SLC2A13: variants seen among roughly 807,000 people sequenced by gnomAD.
SLC2A13 encodes solute carrier family 2 member 13.
In SLC2A13, 32 loss-of-function variants were observed where a neutral mutation model predicts 64.4. That is an observed-to-expected ratio of 0.50 (90% CI 0.37 to 0.67). SLC2A13 has a LOEUF of 0.67. Ranked by LOEUF, SLC2A13 falls within the 30% of genes least tolerant of loss-of-function variation. SLC2A13 has a pLI of 0.00. For missense variants in SLC2A13, 743 were observed against 829.2 expected, an observed-to-expected ratio of 0.90 and a Z score of 1.28; for synonymous variants, 338 against 327.1, an observed-to-expected ratio of 1.03 and a Z score of -0.36.
intron 7 of SLC2A13, among the ~76,000 whole-genome samples, chr12:39,809,086 A>AG (rs148975774): frequency 0.01 from 1,597 of 152,240 alleles, 24 homozygotes; most frequent in African/African-American, 0.035. Context: ...TTTTGTGTTT[A>AG]GGGTGTAAGA....
At chr12:40,010,442 G>A (rs1326656844) in intron 3 of SLC2A13, among the ~76,000 whole-genome samples, 1 of 152,106 alleles carries the variant, frequency 6.6e-6, no homozygotes, top group East Asian at 1.9e-4. Context: ...ATGTAGGTAA[G>A]GCTTTTTTTT....
intron 1 of SLC2A13, among the ~76,000 whole-genome samples, chr12:40,104,031 T>C (rs557312001): frequency 1.3e-5 from 2 of 151,342 alleles, no homozygotes; most frequent in Admixed American, 6.6e-5. Flanking sequence ...GCATGTGGAG[T>C]TGAATATATG....
At chr12:39,828,798 C>A (rs1942764441) in intron 7 of SLC2A13, among the ~76,000 whole-genome samples, 1 of 151,716 alleles carries the variant, frequency 6.6e-6, no homozygotes, top group African/African-American at 2.4e-5. Flanking sequence ...AATCAATTAA[C>A]TCACTAACAA....
intron 5 of SLC2A13, among the ~76,000 whole-genome samples, chr12:39,866,486 A>ATT: frequency 6.8e-6 from 1 of 147,876 alleles, no homozygotes; most frequent in Middle Eastern, 3.5e-3. Flanking sequence ...TATTTGAAAG[A>ATT]TTTTTTTTTT....
At chr12:39,972,615 G>C (rs1946684385) in intron 3 of SLC2A13, among the ~76,000 whole-genome samples, 1 of 152,122 alleles carries the variant, frequency 6.6e-6, no homozygotes, top group Non-Finnish European at 1.5e-5. Flanking sequence ...CCCAACGTCA[G>C]TTACCCTATC....
intron 6 of SLC2A13, among the ~76,000 whole-genome samples, chr12:39,835,957 G>A (rs1217079474): frequency 6.6e-6 from 1 of 152,110 alleles, no homozygotes; most frequent in Non-Finnish European, 1.5e-5. Context: ...CGTGGTGAAA[G>A]CCACAAATAT....
At position 39,898,985 on chromosome 12, in the gene SLC2A13, G is replaced by A. The variant is rs61383091; in HGVS notation, c.1035-27024C>T. On this transcript the variant is annotated intron_variant, in intron 4 of 9. Coordinates refer to ENST00000280871, the MANE Select transcript of SLC2A13 (RefSeq NM_052885.4). Reference sequence around the variant, plus strand: ...TGCCTGGCTTTGGTATCAGGATGATGCTGGCCTCATAAAATGAGTTAGGGA... The same window carrying A: ...TGCCTGGCTTTGGTATCAGGATGATACTGGCCTCATAAAATGAGTTAGGGA... Among the ~76,000 whole-genome samples the A allele has an allele frequency of 6.2e-3, 950 of 152,248 alleles. 7 individuals carry two copies. The highest frequency in any genetic ancestry group is 0.022 in the African/African-American group (915 of 41,552).
intron 4 of SLC2A13, among the ~76,000 whole-genome samples, chr12:39,880,974 A>G (rs1334261594): frequency 6.6e-6 from 1 of 152,238 alleles, no homozygotes; most frequent in Non-Finnish European, 1.5e-5. Context: ...ATAGGCTCAC[A>G]TTTCCCATTT....
intron 3 of SLC2A13, among the ~76,000 whole-genome samples, chr12:40,003,865 C>T (rs192574643): frequency 1.6e-4 from 25 of 151,808 alleles, no homozygotes; most frequent in Admixed American, 9.8e-4. Flanking sequence ...TGGTGACGGG[C>T]GCCGGTAATC....
chr12:39,950,591 A>AT (rs1161099704), intron 4 of SLC2A13: 1 of 152,200 alleles, frequency 6.6e-6, no homozygotes, highest in Non-Finnish European at 1.5e-5. Context: ...ACCCAGGTCT[A>AT]TTTTAGTTAC....
At chr12:40,024,934 A>T (rs1020274618) in intron 3 of SLC2A13, among the ~76,000 whole-genome samples, 1 of 152,194 alleles carries the variant, frequency 6.6e-6, no homozygotes, top group African/African-American at 2.4e-5. Flanking sequence ...AGCCAGTGAT[A>T]TTCTTCCATC....
Position 40,048,051 on chromosome 12 carries a change from C to A in SLC2A13, c.716G>T (p.Arg239Met). 1 of 1,588,106 alleles carries A rather than the reference C, an allele frequency of 6.3e-7. No individual in the cohort carries two copies. ...AFSYLQKDGW[R>M]YMLGLAAVPA... ...TTAAATGTAAAAAGTATTTACAAAC[C>A]TCCATCCATCCTTCTGGAGATAACT... The change falls in exon 2 of 10, where the codon AGG (arginine) becomes ATG (methionine). Residue 239 changes from arginine (R) to methionine (M), a missense_variant and splice_region_variant. This residue lies in a region of SLC2A13 where 448 missense variants were observed against 447.4 expected (regional missense o/e 1.00). Coordinates refer to ENST00000280871, the MANE Select transcript of SLC2A13 (RefSeq NM_052885.4).
At chr12:39,898,387 C>T (rs1944984667) in intron 4 of SLC2A13, among the ~76,000 whole-genome samples, 1 of 152,258 alleles carries the variant, frequency 6.6e-6, no homozygotes, top group African/African-American at 2.4e-5. Context: ...CTACAAATCT[C>T]ATGCTAGAAA....
chr12:40,075,434 C>G (rs1034237250), intron 1 of SLC2A13, among the ~76,000 whole-genome samples: 2 of 152,204 alleles, frequency 1.3e-5, no homozygotes, highest in Non-Finnish European at 2.9e-5. Flanking sequence ...TATGACCTCA[C>G]TTCTCTTTAG....
At chr12:39,914,214 G>C (rs571206132) in intron 4 of SLC2A13, among the ~76,000 whole-genome samples, 1 of 152,094 alleles carries the variant, frequency 6.6e-6, no homozygotes, top group East Asian at 1.9e-4. Context: ...GCATGATATA[G>C]AGATTTAAAT....
intron 7 of SLC2A13, among the ~76,000 whole-genome samples, chr12:39,773,125 C>A (rs1179536479): frequency 2.0e-5 from 3 of 152,182 alleles, no homozygotes; most frequent in Non-Finnish European, 4.4e-5. Flanking sequence ...AATACTTTGA[C>A]ATCAGTGTGT....
rs572938813 is a variant in SLC2A13 at position 40,035,388 on chromosome 12, T to A, written c.717-6879A>T. ...AGCAACTTACTTGGTAACATATTTT[T>A]AAATTTTAGTTCATGCTTCACAAGT... On this transcript the variant is annotated intron_variant, in intron 2 of 9. Transcript: ENST00000280871. Among the ~76,000 whole-genome samples the A allele has an allele frequency of 2.6e-5, 4 of 152,332 alleles. No homozygotes were observed. The East Asian group carries it at 7.7e-4, about 29-fold the overall frequency.
chr12:39,896,484 A>G lies in SLC2A13; in HGVS notation c.1035-24523T>C, dbSNP rs564301853. On this transcript the variant is annotated intron_variant, in intron 4 of 9. Coordinates refer to ENST00000280871, the MANE Select transcript of SLC2A13 (RefSeq NM_052885.4). Reference sequence around the variant, plus strand: ...TATGTATACATATATGTATATGTGTATATATGTACACATATATGTATGTAC... The same window carrying G: ...TATGTATACATATATGTATATGTGTGTATATGTACACATATATGTATGTAC... 1.4e-3 allele frequency among the ~76,000 whole-genome samples: 192 copies of G among 140,512 alleles called. 8 individuals carry two copies. Among genetic ancestry groups the G allele is most frequent in the African/African-American group, 3.6e-3 (132 of 36,720 alleles). 92.2% of individuals were successfully genotyped at this position (140,512 alleles called of 152,430 possible). A position where few individuals can be genotyped will look rare whatever the true frequency, so the allele number is the denominator to read the frequency against.
chr12:40,093,073 G>A (rs1938820599), intron 1 of SLC2A13, among the ~76,000 whole-genome samples: 1 of 152,178 alleles, frequency 6.6e-6, no homozygotes. Context: ...GAGTCTGTCA[G>A]ATCATTTTTC....
Sources: allele counts gnomAD v4.1 joint callset (sites outside exome capture counted in the v4.1 genomes callset), GRCh38; gene constraint gnomAD v4.1.1; regional missense constraint gnomAD v4.1.1; transcripts MANE v1.5; gene names NCBI Gene and HGNC (gene_info 2026-07-23, HGNC 2026-07-21).